Variants in ME1 observed in about 807,000 individuals in gnomAD.
The protein encoded by ME1 is malic enzyme 1, also known as NADP-dependent malic enzyme.
A neutral mutation model predicts 66.4 loss-of-function variants in ME1; 74 were observed. That is an observed-to-expected ratio of 1.11 (90% CI 0.92 to 1.35). The LOEUF (loss-of-function observed/expected upper bound fraction) is 1.35, where lower values mean the gene tolerates loss of function less well. Ranked by LOEUF, ME1 falls within the 40% of genes most tolerant of loss-of-function variation. The pLI, the probability that ME1 is intolerant of heterozygous loss-of-function variation, is 0.00. For missense variants in ME1, 750 were observed against 694.1 expected (o/e 1.08, Z -0.90); for synonymous variants, 251 against 235.6 (o/e 1.07, Z -0.60).
chr6:83,326,547 C>T (rs569310626), intron 5 of ME1, among the ~76,000 whole-genome samples: 6 of 151,926 alleles, frequency 3.9e-5, no homozygotes, highest in Non-Finnish European at 5.9e-5. Flanking sequence ...AAGAAAAAAC[C>T]AAAACACTCC....
chr6:83,366,965 A>G (rs947271578), intron 3 of ME1, among the ~76,000 whole-genome samples: 2 of 152,194 alleles, frequency 1.3e-5, no homozygotes, highest in African/African-American at 4.8e-5. Context: ...ATCACTGTCT[A>G]TGGCAGCTAT....
intron 6 of ME1, among the ~76,000 whole-genome samples, chr6:83,303,875 C>A (rs1032827113): frequency 5.9e-5 from 9 of 151,998 alleles, no homozygotes; most frequent in Admixed American, 2.0e-4. Context: ...GAATAACAAC[C>A]TCTGAGTAAT....
At chr6:83,311,180 T>C (rs1375585304) in intron 6 of ME1, among the ~76,000 whole-genome samples, 1 of 152,074 alleles carries the variant, frequency 6.6e-6, no homozygotes, top group Non-Finnish European at 1.5e-5. Flanking sequence ...TATCACAATA[T>C]AACCTATCTG....
At chr6:83,250,428 A>T (rs1562459603) in intron 7 of ME1, among the ~76,000 whole-genome samples, 2 of 152,234 alleles carry the variant, frequency 1.3e-5, no homozygotes, top group Admixed American at 1.3e-4. Flanking sequence ...CAAAGTCCAT[A>T]GCTAGTAAAG....
At chr6:83,383,518 T>C (rs139583212) in intron 3 of ME1, among the ~76,000 whole-genome samples, 1 of 151,988 alleles carries the variant, frequency 6.6e-6, no homozygotes, top group East Asian at 1.9e-4. Flanking sequence ...GTACTTTTCA[T>C]GGTAAAAAGC....
intron 3 of ME1, among the ~76,000 whole-genome samples, chr6:83,366,749 G>A (rs56681742): frequency 0.027 from 4,177 of 152,248 alleles, 197 homozygotes; most frequent in African/African-American, 0.092. Context: ...ATAGATGGCT[G>A]CAGTTTCCAG....
intron 3 of ME1, among the ~76,000 whole-genome samples, chr6:83,376,804 C>CCAAAAAAAAAAAAAAA (rs768668584): frequency 1.1e-5 from 1 of 87,132 alleles, no homozygotes; most frequent in African/African-American, 3.9e-5. Context: ...CCCTGTCTCA[C>CCAAAAAAAAAAAAAAA]AAAAAAAAAA....
intron 3 of ME1, among the ~76,000 whole-genome samples, chr6:83,393,791 A>G (rs562678489): frequency 4.9e-4 from 74 of 152,268 alleles, no homozygotes; most frequent in Non-Finnish European, 9.0e-4. Flanking sequence ...TTCTTTATAT[A>G]GAAATATATT....
At chr6:83,333,382 T>C (rs116525166) in intron 5 of ME1, among the ~76,000 whole-genome samples, 187 of 152,306 alleles carry the variant, frequency 1.2e-3, no homozygotes, top group African/African-American at 4.0e-3. Context: ...AATGAACTCA[T>C]AGACTCAGTC....
intron 1 of ME1, among the ~76,000 whole-genome samples, chr6:83,415,764 G>C (rs1296836800): frequency 6.6e-6 from 1 of 151,960 alleles, no homozygotes; most frequent in Non-Finnish European, 1.5e-5. Flanking sequence ...TTTAAACCAG[G>C]CATTCAAGAT....
chr6:83,389,726 G>A (rs1237795485), intron 3 of ME1, among the ~76,000 whole-genome samples: 1 of 151,780 alleles, frequency 6.6e-6, no homozygotes, highest in African/African-American at 2.4e-5. Flanking sequence ...TTAAAAAAAA[G>A]TTTCACAAAA....
At chr6:83,216,623 T>C (rs972213524) in intron 12 of ME1, 27 bp from the exon 13 acceptor site, 3 of 1,477,170 alleles carry the variant, frequency 2.0e-6, no homozygotes, top group African/African-American at 1.4e-5. Context: ...AGAAAAAAAG[T>C]GTTTATACTT....
At chr6:83,393,201 G>T in intron 3 of ME1, 1 of 1,197,288 alleles carries the variant, frequency 8.4e-7, no homozygotes, top group East Asian at 2.3e-5. Flanking sequence ...GCAGGCGTCA[G>T]AGGACCCCCT....
chr6:83,326,626 A>G (rs1170480), intron 5 of ME1, among the ~76,000 whole-genome samples: 48,788 of 151,968 alleles, frequency 0.32, 8,206 homozygotes, highest in Middle Eastern at 0.49. Context: ...CAAAAAACAT[A>G]AAAAAAAGCT....
intron 6 of ME1, among the ~76,000 whole-genome samples, chr6:83,302,242 C>G (rs1170519): frequency 0.47 from 71,507 of 151,846 alleles, 18,558 homozygotes; most frequent in African/African-American, 0.7. Flanking sequence ...ATAAGTGAAA[C>G]CTAAATAATA....
intron 7 of ME1, among the ~76,000 whole-genome samples, chr6:83,251,728 G>A (rs1409058164): frequency 6.6e-6 from 1 of 152,086 alleles, no homozygotes; most frequent in Non-Finnish European, 1.5e-5. Context: ...GCTCATTTCA[G>A]GACCTGAGAA....
At chr6:83,367,338 C>T (rs188077183) in intron 3 of ME1, among the ~76,000 whole-genome samples, 2 of 152,246 alleles carry the variant, frequency 1.3e-5, no homozygotes, top group Non-Finnish European at 2.9e-5. Flanking sequence ...TTGGCTTCAA[C>T]TTAGAGTCAC....
At chr6:83,353,640 T>C (rs1768838870) in intron 3 of ME1, among the ~76,000 whole-genome samples, 1 of 152,166 alleles carries the variant, frequency 6.6e-6, no homozygotes, top group African/African-American at 2.4e-5. Flanking sequence ...TTGATGTGTT[T>C]CAATCCATTA....
chr6:83,347,046 C>T (rs966847474), intron 4 of ME1, among the ~76,000 whole-genome samples: 5 of 152,118 alleles, frequency 3.3e-5, no homozygotes, highest in African/African-American at 9.6e-5. Context: ...CTCTGCCTAC[C>T]GGGTTCAGGC....
Sources: allele counts gnomAD v4.1 joint callset (sites outside exome capture counted in the v4.1 genomes callset), GRCh38; gene constraint gnomAD v4.1.1; transcripts MANE v1.5; gene names NCBI Gene and HGNC (gene_info 2026-07-23, HGNC 2026-07-21).